The following SPECC1 variants were observed in gnomAD, a reference collection of about 807,000 sequenced individuals.
SPECC1 encodes sperm antigen with calponin homology and coiled-coil domains 1.
In SPECC1, 62 loss-of-function variants were observed where a neutral mutation model predicts 104.1. That is an observed-to-expected ratio of 0.60 (90% CI 0.49 to 0.74). SPECC1 has a LOEUF of 0.74. Among genes scored for constraint, SPECC1 ranks in the 30% least tolerant of loss-of-function variants. The pLI, the probability that SPECC1 is intolerant of heterozygous loss-of-function variation, is 0.00. For missense variants in SPECC1, 1,306 were observed against 1,310.5 expected, an observed-to-expected ratio of 1.00 and a Z score of 0.05; for synonymous variants, 513 against 501.6, an observed-to-expected ratio of 1.02 and a Z score of -0.30.
intron 1 of SPECC1, among the ~76,000 whole-genome samples, chr17:20,087,482 G>T (rs2152496513): frequency 6.6e-6 from 1 of 152,098 alleles, no homozygotes; most frequent in East Asian, 1.9e-4. Context: ...GAGAAGGATT[G>T]TCATTGCCTT....
chr17:20,125,047 G>A (rs1451685225), intron 3 of SPECC1, among the ~76,000 whole-genome samples: 1 of 152,110 alleles, frequency 6.6e-6, no homozygotes, highest in Non-Finnish European at 1.5e-5. Context: ...AGGCATGGTG[G>A]TGGGCGCCTG....
intron 1 of SPECC1, among the ~76,000 whole-genome samples, chr17:20,057,332 T>C (rs1191701599): frequency 1.3e-5 from 2 of 151,972 alleles, no homozygotes; most frequent in African/African-American, 4.8e-5. Context: ...TCCCAGCTAC[T>C]CGGGAGGCTG....
At chr17:20,302,787 G>A (rs1053659743) in intron 13 of SPECC1, among the ~76,000 whole-genome samples, 3 of 143,210 alleles carry the variant, frequency 2.1e-5, no homozygotes, top group African/African-American at 5.1e-5. Flanking sequence ...CAGGCGTTGT[G>A]GCAACATGCC....
chr17:20,052,532 G>A (rs752676421), intron 1 of SPECC1, among the ~76,000 whole-genome samples: 1 of 152,168 alleles, frequency 6.6e-6, no homozygotes, highest in Non-Finnish European at 1.5e-5. Context: ...ATACCTTAAC[G>A]CCTTATCCAT....
chr17:20,260,546 A>G (rs940994646), intron 12 of SPECC1, among the ~76,000 whole-genome samples: 2 of 152,214 alleles, frequency 1.3e-5, no homozygotes, highest in African/African-American at 4.8e-5. Context: ...GCAGAGCTGC[A>G]CCTCCCGAGG....
At chr17:20,256,706 T>C (rs754138564) in intron 10 of SPECC1, among the ~76,000 whole-genome samples, 52 of 152,172 alleles carry the variant, frequency 3.4e-4, no homozygotes, top group Non-Finnish European at 6.8e-4. Flanking sequence ...TCCGCACTTT[T>C]ATGGTCCTTT....
chr17:20,295,652 C>G (rs925045433), intron 12 of SPECC1, among the ~76,000 whole-genome samples: 3 of 152,152 alleles, frequency 2.0e-5, no homozygotes, highest in African/African-American at 7.2e-5. Flanking sequence ...TAAAAGTGTT[C>G]CTATTTCTCA....
intron 1 of SPECC1, among the ~76,000 whole-genome samples, chr17:20,029,410 T>C (rs756896973): frequency 2.0e-5 from 3 of 152,218 alleles, no homozygotes; most frequent in Non-Finnish European, 2.9e-5. Context: ...CATAGTGTCT[T>C]AGTAGTTCCC....
At chr17:20,173,727 C>T (rs748939399) in intron 3 of SPECC1, among the ~76,000 whole-genome samples, 3 of 152,214 alleles carry the variant, frequency 2.0e-5, no homozygotes, top group Non-Finnish European at 4.4e-5. Flanking sequence ...AATGCTGATT[C>T]AGTCTTTGTG....
chr17:20,198,496 C>T (rs1332863976), intron 3 of SPECC1, among the ~76,000 whole-genome samples: 1 of 152,206 alleles, frequency 6.6e-6, no homozygotes, highest in Non-Finnish European at 1.5e-5. Flanking sequence ...GAAAAAGTTC[C>T]CCATGTCCCA....
intron 7 of SPECC1, among the ~76,000 whole-genome samples, chr17:20,244,797 C>CA (rs1181424918): frequency 1.3e-5 from 2 of 152,110 alleles, no homozygotes; most frequent in Non-Finnish European, 2.9e-5. Flanking sequence ...AGTCATCTTG[C>CA]AAAACAGCTG....
chr17:20,086,283 C>T (rs549815807), intron 1 of SPECC1, among the ~76,000 whole-genome samples: 2 of 152,280 alleles, frequency 1.3e-5, no homozygotes, highest in African/African-American at 4.8e-5. Flanking sequence ...TCCATGTTGC[C>T]TTGATGGCCC....
At chr17:20,163,871 C>T (rs531088563) in intron 3 of SPECC1, among the ~76,000 whole-genome samples, 9 of 152,054 alleles carry the variant, frequency 5.9e-5, no homozygotes, top group African/African-American at 1.7e-4. Context: ...CCTGTATTCT[C>T]TCTTTATATG....
rs539140651 is a variant in SPECC1, at chr17:20,122,448, G to C, written c.283+11886G>C. On this transcript the variant is annotated intron_variant, in intron 3 of 14. Coordinates refer to ENST00000395527, the MANE Select transcript of SPECC1 (RefSeq NM_001243439.2). ...AGCTGCGTCTGGATATATTCTGAAG[G>C]GGAGAGCCAGCTGGCTCTCAACTTT... 1.6e-3 allele frequency among the ~76,000 whole-genome samples: 238 copies of C among 152,240 alleles called. 1 individual carries two copies. The highest frequency in any genetic ancestry group is 2.4e-3 in the Non-Finnish European group (166 of 68,012).
Position 20,318,145 on chromosome 17 carries a change from A to G in SPECC1, c.*4080A>G, listed in dbSNP as rs1264747403. ...TTAAAATTCTTCAGTTGTTCTGAAG[A>G]TCCTTTTTTTAATGTATCATTTTTA... On this transcript the variant is annotated 3_prime_UTR_variant, in exon 15 of 15. Transcript: ENST00000395527. 5 of 231,144 alleles carry G rather than the reference A, an allele frequency of 2.2e-5. No homozygotes were observed. Among genetic ancestry groups the G allele is most frequent in the Non-Finnish European group, 4.3e-5 (5 of 116,864 alleles). The allele number at this position is 231,144 out of a possible 1,614,324, so 14.3% of individuals were successfully genotyped here.
chr17:20,142,393 A>G (rs2030921863), intron 3 of SPECC1, among the ~76,000 whole-genome samples: 1 of 152,230 alleles, frequency 6.6e-6, no homozygotes, highest in Admixed American at 6.5e-5. Context: ...CATTGTTTGC[A>G]ATAACTAAAA....
intron 12 of SPECC1, among the ~76,000 whole-genome samples, chr17:20,289,165 A>G (rs1291228189): frequency 6.6e-6 from 1 of 152,102 alleles, no homozygotes; most frequent in Non-Finnish European, 1.5e-5. Context: ...AACTCATGAG[A>G]TGTTGTGAGA....
chr17:20,130,640 T>G (rs1597782333), intron 3 of SPECC1, among the ~76,000 whole-genome samples: 2 of 152,358 alleles, frequency 1.3e-5, no homozygotes, highest in Non-Finnish European at 1.5e-5. Context: ...TACTGTTGAT[T>G]ATGGTAGCTT....
rs563803312 is a variant in SPECC1 at position 20,023,598 on chromosome 17, G to T, written c.-22+14174G>T. Among the ~76,000 whole-genome samples the T allele has an allele frequency of 2.2e-4, 33 of 152,242 alleles. No individual in the cohort carries two copies. In the South Asian group the frequency reaches 2.7e-3, roughly 12 times the overall value. On this transcript the variant is annotated intron_variant, in intron 1 of 14. Transcript: ENST00000395527. ...GATGTCTAAATGAAGGGGGAAGAGGGCGAGGCAGGATAATGCAAAGGTCCT... is the reference window on the plus strand; with the variant it reads ...GATGTCTAAATGAAGGGGGAAGAGGTCGAGGCAGGATAATGCAAAGGTCCT...
Sources: gnomAD v4.1 joint callset for allele counts (sites outside exome capture counted in the v4.1 genomes callset) on GRCh38, gnomAD v4.1.1 for gene constraint, MANE v1.5 for transcripts, NCBI Gene and HGNC (gene_info 2026-07-23, HGNC 2026-07-21) for gene names.